Variants in TUT4 observed in about 807,000 individuals in gnomAD.
TUT4 encodes the protein terminal uridylyl transferase 4.
In TUT4, 36 loss-of-function variants were observed where a neutral mutation model predicts 192.2. That is an observed-to-expected ratio of 0.19 (90% CI 0.14 to 0.25). The LOEUF (loss-of-function observed/expected upper bound fraction) is 0.25. TUT4 is among the 10% of genes least tolerant of loss of function. The pLI is 1.00. For synonymous variants in TUT4, 618 were observed against 666.0 expected (o/e 0.93, Z 1.11); for missense variants, 1,493 against 1,957.2 (o/e 0.76, Z 4.47).
chr1:52,455,389 C>T (rs919212801), intron 20 of TUT4, among the ~76,000 whole-genome samples: 1 of 151,866 alleles, frequency 6.6e-6, no homozygotes, highest in Non-Finnish European at 1.5e-5. Flanking sequence ...CCGAGGTGGG[C>T]TTGAGCCCAG....
intron 20 of TUT4, among the ~76,000 whole-genome samples, chr1:52,448,379 G>A (rs1658230255): frequency 6.6e-6 from 1 of 152,090 alleles, no homozygotes; most frequent in Non-Finnish European, 1.5e-5. Context: ...CCTGAGGTCA[G>A]GAGTTCAAGA....
intron 20 of TUT4, among the ~76,000 whole-genome samples, chr1:52,457,644 T>C (rs1570504086): frequency 6.6e-6 from 1 of 152,316 alleles, no homozygotes; most frequent in Non-Finnish European, 1.5e-5. Flanking sequence ...ATAGTCACCA[T>C]TCTAAAAAAT....
intron 12 of TUT4, among the ~76,000 whole-genome samples, chr1:52,475,947 C>T (rs928519116): frequency 2.0e-5 from 3 of 151,914 alleles, no homozygotes; most frequent in Non-Finnish European, 2.9e-5. Flanking sequence ...CAGGTTCAAG[C>T]GATTCTCCTG....
intron 20 of TUT4, among the ~76,000 whole-genome samples, chr1:52,453,370 G>A (rs997358299): frequency 7.3e-5 from 11 of 150,822 alleles, no homozygotes; most frequent in African/African-American, 2.7e-4. Context: ...TGACAAGAGC[G>A]AAACTCCGTC....
At chr1:52,450,121 C>T (rs12239281) in intron 20 of TUT4, among the ~76,000 whole-genome samples, 13,485 of 152,200 alleles carry the variant, frequency 0.089, 1,965 homozygotes, top group African/African-American at 0.3. Context: ...GAACTTAGTA[C>T]TGCTGACCAT....
chr1:52,505,109 T>C (rs1310028065), intron 4 of TUT4, among the ~76,000 whole-genome samples: 2 of 152,206 alleles, frequency 1.3e-5, no homozygotes, highest in African/African-American at 4.8e-5. Context: ...GTGAAATTAC[T>C]GGATCATACT....
At chr1:52,471,145 T>C (rs766838981) in intron 14 of TUT4, among the ~76,000 whole-genome samples, 44 of 150,796 alleles carry the variant, frequency 2.9e-4, no homozygotes, top group Non-Finnish European at 4.9e-4. Context: ...GACTCCCGAG[T>C]AACTGGGACT....
chr1:52,443,305 A>C (rs1570316007), intron 24 of TUT4, among the ~76,000 whole-genome samples: 2 of 133,680 alleles, frequency 1.5e-5, no homozygotes, highest in East Asian at 4.7e-4. Context: ...TAAAAAAAAA[A>C]AGGCTGGGCA....
At chr1:52,478,892 A>ATTTT (rs1667776874) in intron 11 of TUT4, among the ~76,000 whole-genome samples, 3 of 152,308 alleles carry the variant, frequency 2.0e-5, no homozygotes, top group African/African-American at 7.2e-5. Context: ...TTGAGGGAAA[A>ATTTT]AACCCCAAAG....
chr1:52,493,802 G>GTTT, intron 6 of TUT4, 140 bp from the exon 7 acceptor site: 2 of 532,514 alleles, frequency 3.8e-6, no homozygotes, highest in Admixed American at 3.8e-5. Context: ...ACAGAATCGT[G>GTTT]TTTTTTTTTT....
At chr1:52,452,546 A>G (rs184930702) in intron 20 of TUT4, among the ~76,000 whole-genome samples, 5 of 152,302 alleles carry the variant, frequency 3.3e-5, no homozygotes, top group African/African-American at 1.2e-4. Flanking sequence ...AATGGCGAAC[A>G]GCTTGGCTTA....
chr1:52,511,059 T>C (rs190984540), intron 3 of TUT4, among the ~76,000 whole-genome samples: 24 of 152,276 alleles, frequency 1.6e-4, no homozygotes, highest in Middle Eastern at 6.8e-3. Context: ...CCTCAGAAAA[T>C]TACATAATTT....
chr1:52,435,301 A>G, intron 27 of TUT4, 64 bp downstream of exon 27: 1 of 1,318,194 alleles, frequency 7.6e-7, no homozygotes, highest in Non-Finnish European at 1.1e-6. Context: ...AGAAAACACT[A>G]TCACCCATTA....
At chr1:52,488,703 T>C (rs1010978554) in intron 9 of TUT4, among the ~76,000 whole-genome samples, 11 of 152,170 alleles carry the variant, frequency 7.2e-5, no homozygotes, top group Admixed American at 3.9e-4. Context: ...TTCTAAAATA[T>C]ATCCATAAGT....
intron 3 of TUT4, among the ~76,000 whole-genome samples, chr1:52,510,497 A>G (rs780339368): frequency 1.5e-4 from 23 of 152,278 alleles, no homozygotes; most frequent in Non-Finnish European, 2.9e-4. Flanking sequence ...AGAAATTTCA[A>G]AAGTTGAGTT....
At chr1:52,461,423 G>A in intron 18 of TUT4, 90 bp downstream of exon 18, 2 of 1,326,614 alleles carry the variant, frequency 1.5e-6, no homozygotes, top group Non-Finnish European at 2.1e-6. Flanking sequence ...TCCTTATACT[G>A]TTCACATTTG....
Position 52,507,858 on chromosome 1 carries a change from TAAAGTG to T in TUT4, c.999+1732_999+1737del, listed in dbSNP as rs373156441. On this transcript the variant is annotated intron_variant, in intron 4 of 29. Transcript: ENST00000257177. The stretch of plus-strand genomic sequence containing the variant: ...TAGAGTCTCGCTCCCTCGCCCAGAC[TAAAGTG>T]AAGTGGTGTGACCTTGGCTCACTGC... 2.9e-3 allele frequency among the ~76,000 whole-genome samples: 444 copies of T among 152,290 alleles called. 2 individuals are homozygous for T. Among genetic ancestry groups the T allele is most frequent in the African/African-American group, 0.01 (423 of 41,560 alleles).
At chr1:52,542,077 T>C (rs764074246) in intron 1 of TUT4, among the ~76,000 whole-genome samples, 3 of 152,194 alleles carry the variant, frequency 2.0e-5, no homozygotes, top group Non-Finnish European at 4.4e-5. Flanking sequence ...CATTATGCTA[T>C]ATGAAAGAAG....
chr1:52,513,297 G>C (rs1677759631), intron 3 of TUT4, among the ~76,000 whole-genome samples: 1 of 149,450 alleles, frequency 6.7e-6, no homozygotes, highest in Admixed American at 6.7e-5. Flanking sequence ...AGCTACTCGG[G>C]AGACTTAGGT....
Sources: allele counts gnomAD v4.1 joint callset (sites outside exome capture counted in the v4.1 genomes callset), GRCh38; gene constraint gnomAD v4.1.1; transcripts MANE v1.5; gene names NCBI Gene and HGNC (gene_info 2026-07-23, HGNC 2026-07-21).